The following UTP18 variants were observed in gnomAD, a reference collection of about 807,000 sequenced individuals.
UTP18 encodes the protein U3 small nucleolar RNA-associated protein 18 homolog.
In UTP18, 36 loss-of-function variants were observed where a neutral mutation model predicts 61.1. The ratio of observed to expected loss-of-function variants is 0.59; its 90% CI spans 0.45 to 0.78. The LOEUF is 0.78. UTP18 is among the 30% of genes least tolerant of loss of function. The pLI, the probability that UTP18 is intolerant of heterozygous loss-of-function variation, is 0.00. For missense variants in UTP18, 753 were observed against 693.9 expected, an observed-to-expected ratio of 1.09 and a Z score of -0.96; for synonymous variants, 282 against 251.1, an observed-to-expected ratio of 1.12 and a Z score of -1.16.
rs1038573633 is a variant in UTP18, at chr17:51,297,288, C to G, written c.*14+285C>G. On this transcript the variant is annotated intron_variant, in intron 13 of 13. Coordinates refer to ENST00000225298, the MANE Select transcript of UTP18 (RefSeq NM_016001.3). ...ATTGTAATTACTGAACATGTTTAAT[C>G]CACAAAAGACTTAATAACACAGAGA... Among the ~76,000 whole-genome samples the G allele has an allele frequency of 2.0e-5, 3 of 152,192 alleles. No individual in the cohort carries two copies. In the East Asian group the frequency reaches 5.8e-4, roughly 29 times the overall value.
Position 51,294,015 on chromosome 17 carries a change from G to A in UTP18, c.1616G>A (p.Gly539Glu). Residue 539 changes from glycine (G) to glutamate (E), a missense_variant, in exon 12 of 14, where the codon GGG becomes GAG. Coordinates refer to ENST00000225298, the MANE Select transcript of UTP18 (RefSeq NM_016001.3). ...FSPRSGYFALGNEKGKALMYR... is the reference protein window; with the variant it reads ...FSPRSGYFALENEKGKALMYR... The stretch of plus-strand genomic sequence containing the variant: ...CCGAGAAGTGGATACTTTGCCTTGG[G>A]GAATGAAAAGGGCAAGGCCCTGATG... 1 of 1,609,048 alleles carries A rather than the reference G, an allele frequency of 6.2e-7. No homozygotes were observed. Among genetic ancestry groups the A allele is most frequent in the Non-Finnish European group, 8.5e-7 (1 of 1,177,882 alleles).
rs896017806 is a variant in UTP18 at position 51,263,343 on chromosome 17, A to G, written c.412A>G (p.Lys138Glu). ...NEAKGNFPPQ[K>E]KPVWVDEEDE... ...AGCAAAAGGTAATTTTCCACCTCAA[A>G]AGAAGCCAGTTTGGGTGGATGAAGA... The change falls in exon 2 of 14, where the codon AAG becomes GAG. Residue 138 changes from lysine to glutamate, a missense_variant. Transcript: ENST00000225298. 6.2e-7 allele frequency: 1 copy of G among 1,614,186 alleles called. No individual in the cohort carries two copies. The highest frequency in any genetic ancestry group is 8.5e-7 in the Non-Finnish European group (1 of 1,179,992).
At chr17:51,261,734 G>A (rs748922400) in intron 1 of UTP18, among the ~76,000 whole-genome samples, 8 of 152,054 alleles carry the variant, frequency 5.3e-5, no homozygotes, top group Non-Finnish European at 8.8e-5. Context: ...GTGTGTAGAG[G>A]CCTGTGAAAT....
intron 3 of UTP18, among the ~76,000 whole-genome samples, chr17:51,268,000 G>GTTTTTTTTTTT (rs1904356519): frequency 7.0e-6 from 1 of 142,666 alleles, no homozygotes; most frequent in African/African-American, 2.6e-5. Flanking sequence ...TTGTTTTTTT[G>GTTTTTTTTTTT]TTTTTTGTTT....
chr17:51,273,771 A>AAATAAATAAATAAATAAATAAATAAATT (rs1263393227), intron 5 of UTP18, among the ~76,000 whole-genome samples: 2 of 150,418 alleles, frequency 1.3e-5, no homozygotes, highest in Non-Finnish European at 2.9e-5. Context: ...ATAAATAAAT[A>AAATAAATAAATAAATAAATAAATAAATT]AATTTTCCAG....
At position 51,295,065 on chromosome 17, in the gene UTP18, ATTTG is replaced by A. The variant is rs1212171646; in HGVS notation, c.1646+1025_1646+1028del. Among the ~76,000 whole-genome samples, 56 of 151,982 alleles carry A rather than the reference ATTTG, an allele frequency of 3.7e-4. 1 individual carries two copies. The South Asian group carries it at 4.4e-3, about 12-fold the overall frequency. On this transcript the variant is annotated intron_variant, in intron 12 of 13. Coordinates refer to ENST00000225298, the MANE Select transcript of UTP18 (RefSeq NM_016001.3). ...TGATGGGGTTGTTTTTTTCTTGTAA[ATTTG>A]TTTGAGTTCATTGTAGATTGTGGAT...
rs751281507 is a variant in UTP18, at chr17:51,294,007, T to G, written c.1608T>G (p.Phe536Leu). The change falls in exon 12 of 14, where the codon TTT becomes TTG. Residue 536 changes from phenylalanine (F) to leucine (L), a missense_variant. Physicochemically the swap from Phe to Leu is conservative, Grantham distance 22 (BLOSUM62 0). Coordinates refer to ENST00000225298, the MANE Select transcript of UTP18 (RefSeq NM_016001.3). ...TMDFSPRSGY[F>L]ALGNEKGKAL... ...ATTTTTCTCCGAGAAGTGGATACTT[T>G]GCCTTGGGGAATGAAAAGGGCAAGG... 4 of 1,610,182 alleles carry G rather than the reference T, an allele frequency of 2.5e-6. No individual in the cohort carries two copies. The South Asian group carries it at 4.4e-5, about 18-fold the overall frequency.
intron 4 of UTP18, among the ~76,000 whole-genome samples, 179 bp downstream of exon 4, chr17:51,269,083 T>A (rs1904411567): frequency 6.6e-6 from 1 of 151,958 alleles, no homozygotes; most frequent in African/African-American, 2.4e-5. Context: ...GTCCAGGAGT[T>A]TAAGACCAGA....
At chr17:51,286,683 C>A in intron 10 of UTP18, 1 of 398,936 alleles carries the variant, frequency 2.5e-6, no homozygotes. Flanking sequence ...CCGTGCCAAC[C>A]CTGTAGCGAG....
At position 51,290,586 on chromosome 17, in the gene UTP18, T is replaced by C. The variant is rs140463671; in HGVS notation, c.1503+2383T>C. On this transcript the variant is annotated intron_variant, in intron 11 of 13. Coordinates refer to ENST00000225298, the MANE Select transcript of UTP18 (RefSeq NM_016001.3). ...TAATGGGAGTGGTATACTAGTAATA[T>C]TAACCTTTTATCACTTTAATGGTAG... Among the ~76,000 whole-genome samples the C allele has an allele frequency of 5.5e-3, 833 of 152,326 alleles. 4 individuals are homozygous for C. The highest frequency in any genetic ancestry group is 0.031 in the Middle Eastern group (9 of 294).
intron 12 of UTP18, among the ~76,000 whole-genome samples, chr17:51,294,665 A>G (rs959993342): frequency 2.9e-4 from 44 of 151,974 alleles, no homozygotes; most frequent in Admixed American, 1.3e-4. Context: ...ATAAACATAC[A>G]TGTGCATGTG....
chr17:51,276,970 A>C (rs1187317029), intron 6 of UTP18, among the ~76,000 whole-genome samples, 160 bp from the exon 7 acceptor site: 1 of 152,216 alleles, frequency 6.6e-6, no homozygotes, highest in Non-Finnish European at 1.5e-5. Context: ...GCCTCTTGAC[A>C]TAGGCATGGT....
At chr17:51,261,455 A>G (rs186023834) in intron 1 of UTP18, among the ~76,000 whole-genome samples, 4 of 152,318 alleles carry the variant, frequency 2.6e-5, no homozygotes, top group African/African-American at 4.8e-5. Context: ...CTTTCTGGCA[A>G]TGGCAAACCC....
chr17:51,265,364 A>G (rs975536016), intron 2 of UTP18, among the ~76,000 whole-genome samples: 2 of 151,544 alleles, frequency 1.3e-5, no homozygotes, highest in Non-Finnish European at 2.9e-5. Flanking sequence ...CCCAGGTTCA[A>G]GTGATTCACC....
intron 9 of UTP18, among the ~76,000 whole-genome samples, chr17:51,282,424 T>C (rs527324691): frequency 1.3e-5 from 2 of 152,084 alleles, no homozygotes; most frequent in Non-Finnish European, 2.9e-5. Flanking sequence ...AGCTATATTT[T>C]CTATATTATA....
intron 3 of UTP18, among the ~76,000 whole-genome samples, chr17:51,267,544 C>T (rs1904342744): frequency 6.6e-6 from 1 of 151,600 alleles, no homozygotes; most frequent in Non-Finnish European, 1.5e-5. Flanking sequence ...TTTCCTCTTC[C>T]CTCAATCTGA....
In UTP18 at chr17:51,260,800, C is replaced by A; in HGVS notation, c.216C>A (p.Leu72=). 1 of 1,582,316 alleles carries A rather than the reference C, an allele frequency of 6.3e-7. No homozygotes were observed. The highest frequency in any genetic ancestry group is 2.3e-5 in the East Asian group (1 of 43,108). The stretch of plus-strand genomic sequence containing the variant: ...CGGCGGCGGAGGAAGAGAGACGGCT[C>A]CGGCAGCGGAACCGCCTGAGGCTGG... ...AVAAAEEERR[L]RQRNRLRLEE... is the part of the protein sequence containing the mutation. Residue 72 remains leucine (L), a synonymous_variant, in exon 1 of 14, where the codon CTC becomes CTA. Transcript: ENST00000225298.
intron 12 of UTP18, chr17:51,296,592 A>C (rs904166740): frequency 6.0e-6 from 1 of 167,738 alleles, no homozygotes; most frequent in Non-Finnish European, 1.3e-5. Context: ...TATAAGTGAA[A>C]TTTTTTTTTC....
rs761604394 is a variant in UTP18 at position 51,260,778 on chromosome 17, C to T, written c.194C>T (p.Ala65Val). 6.3e-7 allele frequency: 1 copy of T among 1,578,520 alleles called. No individual in the cohort carries two copies. Among genetic ancestry groups the T allele is most frequent in the South Asian group, 1.1e-5 (1 of 87,454 alleles). The change falls in exon 1 of 14, where the codon GCG becomes GTG. Residue 65 changes from alanine to valine, a missense_variant. Coordinates refer to ENST00000225298, the MANE Select transcript of UTP18 (RefSeq NM_016001.3). ...SAAAAAIAVA[A>V]AEEERRLRQR... ...GCGGCCGCTGCGATTGCAGTCGCGG[C>T]GGCGGAGGAAGAGAGACGGCTCCGG... is the stretch of plus-strand genomic sequence containing the variant.
Sources: allele counts gnomAD v4.1 joint callset (sites outside exome capture counted in the v4.1 genomes callset), GRCh38; gene constraint gnomAD v4.1.1; transcripts MANE v1.5; gene names NCBI Gene and HGNC (gene_info 2026-07-23, HGNC 2026-07-21).